Variants in SCHIP1 observed in about 807,000 individuals in gnomAD.
SCHIP1 encodes schwannomin-interacting protein 1.
Under a neutral mutation model 29.7 loss-of-function variants are expected in SCHIP1, and 8 were observed. That is an observed-to-expected ratio of 0.27 (90% CI 0.16 to 0.49). The LOEUF (loss-of-function observed/expected upper bound fraction) is 0.49, where lower values mean the gene tolerates loss of function less well. SCHIP1 is among the 20% of genes least tolerant of loss of function. SCHIP1 has a pLI of 0.99. For synonymous variants in SCHIP1, 76 were observed against 94.9 expected (o/e 0.80, Z 1.16); for missense variants, 193 against 294.6 (o/e 0.66, Z 2.52).
At chr3:159,738,953 G>A in the SCHIP1 span, among the ~76,000 whole-genome samples, 1 of 152,180 alleles carries the variant, frequency 6.6e-6, no homozygotes, top group Non-Finnish European at 1.5e-5. Context: ...AAGATCCTGA[G>A]GTTCAAAGTC....
the SCHIP1 span, among the ~76,000 whole-genome samples, chr3:159,803,950 G>C: frequency 3.3e-5 from 5 of 152,178 alleles, no homozygotes; most frequent in Non-Finnish European, 5.9e-5. Flanking sequence ...AACTAGTAAG[G>C]AGATGTGCCA....
At chr3:159,394,576 G>A in the SCHIP1 span, among the ~76,000 whole-genome samples, 1 of 152,124 alleles carries the variant, frequency 6.6e-6, no homozygotes, top group African/African-American at 2.4e-5. Context: ...AAATAATCAT[G>A]TGGTTTTTGT....
chr3:159,812,759 T>C, the SCHIP1 span, among the ~76,000 whole-genome samples: 1 of 152,166 alleles, frequency 6.6e-6, no homozygotes, highest in Non-Finnish European at 1.5e-5. Flanking sequence ...CTTTAATAGG[T>C]GTTGTCTTAG....
chr3:159,352,957 T>C, the SCHIP1 span, among the ~76,000 whole-genome samples: 1 of 152,078 alleles, frequency 6.6e-6, no homozygotes, highest in Non-Finnish European at 1.5e-5. Context: ...GTGAAGGTGG[T>C]AGATGATGCG....
At chr3:159,553,263 GTT>G in the SCHIP1 span, among the ~76,000 whole-genome samples, 1 of 118,614 alleles carries the variant, frequency 8.4e-6, no homozygotes, top group Admixed American at 8.1e-5. Context: ...AATGGAAAAG[GTT>G]AAAAAAAAAA....
chr3:159,441,263 T>TG, the SCHIP1 span, among the ~76,000 whole-genome samples: 5 of 152,202 alleles, frequency 3.3e-5, no homozygotes, highest in African/African-American at 4.8e-5. Flanking sequence ...ATTTGTGGAT[T>TG]GTTTTTATCA....
At chr3:159,893,057 AG>A (rs1174158668) in intron 6 of SCHIP1, 1 of 152,242 alleles carries the variant, frequency 6.6e-6, no homozygotes, top group African/African-American at 2.4e-5. Flanking sequence ...ACAATCCCAG[AG>A]AAGCTCGAAA....
chr3:159,320,650 G>A, the SCHIP1 span, among the ~76,000 whole-genome samples: 2 of 151,904 alleles, frequency 1.3e-5, no homozygotes, highest in African/African-American at 4.8e-5. Context: ...AACCTTGGCT[G>A]GTTAAATCCT....
chr3:159,439,176 C>T, the SCHIP1 span, among the ~76,000 whole-genome samples: 6 of 152,058 alleles, frequency 3.9e-5, 1 homozygote, highest in Middle Eastern at 0.014. Context: ...TTTTAGTAAC[C>T]GCCATTCTGA....
chr3:159,850,382 C>T lies in SCHIP1; in HGVS notation c.30+10168C>T, dbSNP rs374704535. On this transcript the variant is annotated intron_variant, in intron 1 of 6. Transcript: ENST00000445224. ...CATCCTAGCCAACATGGTGAAGCCC[C>T]GTTTCTACTAAAAATACGAAAATTA... 2.6e-4 allele frequency among the ~76,000 whole-genome samples: 40 copies of T among 151,974 alleles called. No individual in the cohort carries two copies. In the South Asian group the frequency reaches 6.0e-3, roughly 23 times the overall value.
the SCHIP1 span, among the ~76,000 whole-genome samples, chr3:159,785,686 T>C: frequency 2.0e-5 from 3 of 151,956 alleles, no homozygotes; most frequent in Non-Finnish European, 4.4e-5. Context: ...TTGAAACAAG[T>C]AATTCTTTAA....
At chr3:159,436,789 G>A in the SCHIP1 span, among the ~76,000 whole-genome samples, 2 of 152,122 alleles carry the variant, frequency 1.3e-5, no homozygotes, top group African/African-American at 4.8e-5. Flanking sequence ...GAGCTTTAGT[G>A]AGAGTGAGGT....
the SCHIP1 span, among the ~76,000 whole-genome samples, chr3:159,759,034 T>C: frequency 1.3e-5 from 2 of 152,262 alleles, no homozygotes; most frequent in Admixed American, 1.3e-4. Context: ...GTTGGATATA[T>C]CTTTTAAGTG....
the SCHIP1 span, among the ~76,000 whole-genome samples, chr3:159,543,558 T>A: frequency 1.3e-5 from 2 of 151,434 alleles, no homozygotes; most frequent in African/African-American, 4.9e-5. Context: ...CATCCTTTTT[T>A]ATGGCTGCAT....
At chr3:159,292,094 G>T in the SCHIP1 span, among the ~76,000 whole-genome samples, 7 of 151,890 alleles carry the variant, frequency 4.6e-5, no homozygotes, top group African/African-American at 1.7e-4. Context: ...AATTATTGAA[G>T]AAAACTTCCA....
chr3:159,612,626 A>T, the SCHIP1 span, among the ~76,000 whole-genome samples: 2 of 152,122 alleles, frequency 1.3e-5, no homozygotes, highest in Admixed American at 6.6e-5. Flanking sequence ...GGGCACCTGT[A>T]ATCCCAGCTA....
chr3:159,384,251 T>G, the SCHIP1 span, among the ~76,000 whole-genome samples: 2 of 151,308 alleles, frequency 1.3e-5, no homozygotes, highest in African/African-American at 2.4e-5. Context: ...GGGTTTGTCA[T>G]AGATAGCTCT....
intron 1 of SCHIP1, among the ~76,000 whole-genome samples, chr3:159,841,551 A>C (rs1744222166): frequency 6.6e-6 from 1 of 152,236 alleles, no homozygotes; most frequent in Admixed American, 6.5e-5. Flanking sequence ...AATAATTAAA[A>C]TAACTCTCTC....
At chr3:159,445,665 G>A in the SCHIP1 span, among the ~76,000 whole-genome samples, 1 of 152,118 alleles carries the variant, frequency 6.6e-6, no homozygotes, top group Non-Finnish European at 1.5e-5. Flanking sequence ...AAGAAAATGT[G>A]GCACATATAT....
Sources: allele counts gnomAD v4.1 joint callset (sites outside exome capture counted in the v4.1 genomes callset), GRCh38; gene constraint gnomAD v4.1.1; transcripts MANE v1.5; gene names NCBI Gene and HGNC (gene_info 2026-07-23, HGNC 2026-07-21).